Variants in HYLS1 observed in about 807,000 individuals in gnomAD.
HYLS1 encodes centriolar and ciliogenesis-associated protein HYLS1.
HYLS1 carries 25 observed loss-of-function variants against 29.4 expected under a neutral mutation model. That is an observed-to-expected ratio of 0.85 (90% confidence interval 0.62 to 1.19). The LOEUF (loss-of-function observed/expected upper bound fraction) is 1.19, where lower values mean the gene tolerates loss of function less well. HYLS1 is among the 50% of genes most tolerant of loss of function. The pLI, the probability that HYLS1 is intolerant of heterozygous loss-of-function variation, is 0.00. For missense variants in HYLS1, 352 were observed against 365.1 expected, an observed-to-expected ratio of 0.96 and a Z score of 0.29; for synonymous variants, 128 against 126.7, an observed-to-expected ratio of 1.01 and a Z score of -0.07.
At chr11:125,884,727 T>C (rs988667210), upstream of HYLS1, among the ~76,000 whole-genome samples, 16 of 152,250 alleles carry the variant, frequency 1.1e-4, no homozygotes, top group African/African-American at 3.4e-4. Flanking sequence ...TTCAAAATAA[T>C]ACAAGACAAG....
chr11:125,883,615 A>T (rs1405122343), upstream of HYLS1: 1 of 152,236 alleles, frequency 6.6e-6, no homozygotes, highest in East Asian at 1.9e-4. Context: ...CACGCCTGTA[A>T]TCCTCACATT....
At chr11:125,888,782 A>G (rs1225556176) in intron 1 of HYLS1, among the ~76,000 whole-genome samples, 16 of 137,078 alleles carry the variant, frequency 1.2e-4, no homozygotes, top group Non-Finnish European at 2.4e-4. Flanking sequence ...AAAAAAAAAA[A>G]AAAAAGAGAA....
At chr11:125,888,214 C>T (rs1247059067) in intron 1 of HYLS1, 3 of 152,286 alleles carry the variant, frequency 2.0e-5, no homozygotes, top group Non-Finnish European at 2.9e-5. Context: ...GTCTTGTCGC[C>T]TTCTAGCTGC....
At position 125,900,373 on chromosome 11, in the gene HYLS1, A is replaced by C; in HGVS notation, c.*105A>C. Reference sequence around the variant, plus strand: ...CTTGAGAAGCTCTTCGAAACATTTTATGGTAAGGACTTCACCTATCATTGG... The same window carrying C: ...CTTGAGAAGCTCTTCGAAACATTTTCTGGTAAGGACTTCACCTATCATTGG... On this transcript the variant is annotated 3_prime_UTR_variant, in exon 3 of 3. Coordinates refer to ENST00000425380, the MANE Select transcript of HYLS1 (RefSeq NM_001134793.2). 2 of 1,093,326 alleles carry C rather than the reference A, an allele frequency of 1.8e-6. No homozygotes were observed. The highest frequency in any genetic ancestry group is 2.8e-6 in the Non-Finnish European group (2 of 726,554). 67.7% of individuals were successfully genotyped at this position (1,093,326 alleles called of 1,614,324 possible). A position where few individuals can be genotyped will look rare whatever the true frequency, so the allele number is the denominator to read the frequency against.
chr11:125,892,704 C>T (rs892353803), intron 2 of HYLS1, among the ~76,000 whole-genome samples: 16 of 152,154 alleles, frequency 1.1e-4, no homozygotes, highest in African/African-American at 3.1e-4. Context: ...CATCTATTGC[C>T]TCCATTACTC....
At chr11:125,885,881 C>T (rs999245245), upstream of HYLS1, among the ~76,000 whole-genome samples, 1 of 152,142 alleles carries the variant, frequency 6.6e-6, no homozygotes, top group African/African-American at 2.4e-5. Context: ...AGGTTGCATG[C>T]TCCTTATGAG....
chr11:125,892,036 G>A (rs1313858510), intron 2 of HYLS1, among the ~76,000 whole-genome samples: 2 of 152,172 alleles, frequency 1.3e-5, no homozygotes, highest in Non-Finnish European at 2.9e-5. Flanking sequence ...ACATGGGTAG[G>A]AAAAAACTAA....
rs1215001657 is a variant in HYLS1, at chr11:125,887,749, G to A, written c.-92G>A. 1 of 152,296 alleles carries A rather than the reference G, an allele frequency of 6.6e-6. No individual in the cohort carries two copies. The highest frequency in any genetic ancestry group is 2.4e-5 in the African/African-American group (1 of 41,480). 9.4% of individuals were successfully genotyped at this position (152,296 alleles called of 1,614,324 possible). On this transcript the variant is annotated 5_prime_UTR_variant, in exon 1 of 3. Transcript: ENST00000425380. Reference sequence around the variant, plus strand: ...ACTGGCAGGACGCGGTGCAGAGAGCGGACTTCCGCGACGCGGGTAAGCCGG... The same window carrying A: ...ACTGGCAGGACGCGGTGCAGAGAGCAGACTTCCGCGACGCGGGTAAGCCGG...
At chr11:125,885,801 C>T (rs941905567), upstream of HYLS1, among the ~76,000 whole-genome samples, 7 of 152,336 alleles carry the variant, frequency 4.6e-5, no homozygotes, top group East Asian at 3.9e-4. Flanking sequence ...TGCCTTCCGT[C>T]GCATGAACAG....
chr11:125,886,065 C>T (rs181098948), upstream of HYLS1, among the ~76,000 whole-genome samples: 32 of 152,160 alleles, frequency 2.1e-4, no homozygotes, highest in Non-Finnish European at 2.6e-4. Context: ...AAATGTAATG[C>T]GCTTGAATCA....
intron 2 of HYLS1, chr11:125,895,549 C>T: frequency 1.2e-6 from 2 of 1,614,160 alleles, no homozygotes; most frequent in Non-Finnish European, 1.7e-6. Context: ...TCCATGGTTA[C>T]AATATCTAAA....
At position 125,895,173 on chromosome 11, in the gene HYLS1, G is replaced by A. The variant is rs578148756; in HGVS notation, c.-26+3701G>A. The A allele has an allele frequency of 7.2e-5, 103 of 1,439,624 alleles. No individual in the cohort carries two copies. The East Asian group carries it at 1.4e-3, about 20-fold the overall frequency. The allele number at this position is 1,439,624 out of a possible 1,614,324, so 89.2% of individuals were successfully genotyped here. A position where few individuals can be genotyped will look rare whatever the true frequency, so the allele number is the denominator to read the frequency against. On this transcript the variant is annotated intron_variant, in intron 2 of 2. Transcript: ENST00000425380. ...GCAATTCTTGTGCCTCAAGCGTCCCGAGTAGCTGGGACTACAGGCATGTGC... is the reference window on the plus strand; with the variant it reads ...GCAATTCTTGTGCCTCAAGCGTCCCAAGTAGCTGGGACTACAGGCATGTGC...
chr11:125,885,091 A>G (rs955959654), upstream of HYLS1, among the ~76,000 whole-genome samples: 3 of 152,230 alleles, frequency 2.0e-5, no homozygotes, highest in Admixed American at 6.5e-5. Context: ...AATATTCAGG[A>G]GTAGATCCTT....
chr11:125,897,905 G>A (rs1038987273), intron 2 of HYLS1, among the ~76,000 whole-genome samples: 2 of 152,108 alleles, frequency 1.3e-5, no homozygotes, highest in Non-Finnish European at 2.9e-5. Flanking sequence ...CAAGATACTC[G>A]TGTTAGCATC....
intron 2 of HYLS1, among the ~76,000 whole-genome samples, chr11:125,897,084 C>G (rs760069441): frequency 1.1e-4 from 16 of 152,120 alleles, no homozygotes; most frequent in Non-Finnish European, 1.9e-4. Flanking sequence ...TTTCAATAAT[C>G]TGAGGACAAC....
intron 1 of HYLS1, among the ~76,000 whole-genome samples, chr11:125,891,177 T>C (rs1361008692): frequency 6.6e-6 from 1 of 152,228 alleles, no homozygotes; most frequent in East Asian, 1.9e-4. Flanking sequence ...TTGTTCCACC[T>C]GTGATGACTG....
In HYLS1 at chr11:125,899,811, T is replaced by G; in HGVS notation, c.443T>G (p.Phe148Cys). Residue 148 changes from phenylalanine (F) to cysteine (C), a missense_variant, in exon 3 of 3, where the codon TTT becomes TGT. Coordinates refer to ENST00000425380, the MANE Select transcript of HYLS1 (RefSeq NM_001134793.2). Reference sequence around the variant, plus strand: ...TTCCAGGAAGACAAGGAATCTTCATTTGATGTTTCACAAAAATTTAACCTA... The same window carrying G: ...TTCCAGGAAGACAAGGAATCTTCATGTGATGTTTCACAAAAATTTAACCTA... ...VQFQEDKESS[F>C]DVSQKFNLPH... The G allele has an allele frequency of 1.9e-6, 3 of 1,614,166 alleles. No individual in the cohort carries two copies. Among genetic ancestry groups the G allele is most frequent in the Non-Finnish European group, 2.5e-6 (3 of 1,180,008 alleles).
At position 125,899,592 on chromosome 11, in the gene HYLS1, G is replaced by A; in HGVS notation, c.224G>A (p.Ser75Asn). 1.2e-6 allele frequency: 2 copies of A among 1,614,196 alleles called. No homozygotes were observed. The highest frequency in any genetic ancestry group is 1.7e-6 in the Non-Finnish European group (2 of 1,180,042). ...PVQLQYPHVE[S>N]NVPSETVSEA... ...CAACTACAGTACCCACATGTAGAAAGTAATGTCCCTTCAGAAACAGTCTCT... is the reference window on the plus strand; with the variant it reads ...CAACTACAGTACCCACATGTAGAAAATAATGTCCCTTCAGAAACAGTCTCT... Residue 75 changes from serine to asparagine, a missense_variant, in exon 3 of 3, where the codon AGT (serine) becomes AAT (asparagine). Ser to Asn is a conservative substitution (Grantham distance 46). Transcript: ENST00000425380.
chr11:125,886,113 T>C (rs942037137), upstream of HYLS1, among the ~76,000 whole-genome samples: 13 of 152,014 alleles, frequency 8.6e-5, no homozygotes, highest in South Asian at 2.1e-4. Context: ...CATGGAAAAA[T>C]TGTCTTCCAT....
Sources: gnomAD v4.1 joint callset for allele counts (sites outside exome capture counted in the v4.1 genomes callset) on GRCh38, gnomAD v4.1.1 for gene constraint, MANE v1.5 for transcripts, NCBI Gene and HGNC (gene_info 2026-07-23, HGNC 2026-07-21) for gene names.